The following SLC24A3 variants were observed in gnomAD, a reference collection of about 807,000 sequenced individuals.
SLC24A3 encodes the protein sodium/potassium/calcium exchanger 3.
In SLC24A3, 28 loss-of-function variants were observed where a neutral mutation model predicts 75.8. The observed-to-expected ratio is 0.37, with a 90% CI of 0.27 to 0.51. The LOEUF (loss-of-function observed/expected upper bound fraction) is 0.51, where lower values mean the gene tolerates loss of function less well. Ranked by LOEUF, SLC24A3 falls within the 20% of genes least tolerant of loss-of-function variation. The probability of loss-of-function intolerance (pLI) is 0.94; values close to 1 mark genes in which losing one functional copy is unlikely to be tolerated. For synonymous variants in SLC24A3, 372 were observed against 334.1 expected (o/e 1.11, Z -1.24); for missense variants, 663 against 847.8 (o/e 0.78, Z 2.71).
intron 2 of SLC24A3, among the ~76,000 whole-genome samples, chr20:19,409,122 T>C (rs901623198): frequency 4.6e-5 from 7 of 152,152 alleles, no homozygotes; most frequent in Non-Finnish European, 1.0e-4. Flanking sequence ...GAGGGAGACT[T>C]AGAGCTTCTT....
At position 19,226,340 on chromosome 20, in the gene SLC24A3, G is replaced by A. The variant is rs973143805; in HGVS notation, c.142+13356G>A. Among the ~76,000 whole-genome samples, 11 of 152,080 alleles carry A rather than the reference G, an allele frequency of 7.2e-5. No homozygotes were observed. The South Asian group carries it at 1.0e-3, about 14-fold the overall frequency. Reference sequence around the variant, plus strand: ...TGATCATATTCGGTTGAGGGCTTTTGTGTCTAGGATCACACAAGATACGGA... The same window carrying A: ...TGATCATATTCGGTTGAGGGCTTTTATGTCTAGGATCACACAAGATACGGA... On this transcript the variant is annotated intron_variant, in intron 1 of 16. Transcript: ENST00000328041.
intron 3 of SLC24A3, among the ~76,000 whole-genome samples, chr20:19,525,172 T>G (rs2030176331): frequency 6.6e-6 from 1 of 152,154 alleles, no homozygotes; most frequent in African/African-American, 2.4e-5. Context: ...GATAGGAGTT[T>G]CAAGCTTAAG....
At chr20:19,532,288 G>A (rs1278546264) in intron 3 of SLC24A3, among the ~76,000 whole-genome samples, 1 of 152,196 alleles carries the variant, frequency 6.6e-6, no homozygotes, top group Non-Finnish European at 1.5e-5. Flanking sequence ...AAGCAGGGCT[G>A]GATACTTGCG....
chr20:19,290,927 C>T (rs1306061906), intron 2 of SLC24A3, among the ~76,000 whole-genome samples: 3 of 152,196 alleles, frequency 2.0e-5, no homozygotes, highest in South Asian at 2.1e-4. Flanking sequence ...TTGGAGACCA[C>T]GGGTTTTGTT....
chr20:19,325,958 C>T (rs944592799), intron 2 of SLC24A3, among the ~76,000 whole-genome samples: 15 of 151,718 alleles, frequency 9.9e-5, no homozygotes, highest in South Asian at 6.3e-4. Context: ...ACTTTATACA[C>T]GAAACAACGT....
intron 1 of SLC24A3, among the ~76,000 whole-genome samples, chr20:19,236,914 A>T (rs975479535): frequency 6.6e-6 from 1 of 152,190 alleles, no homozygotes; most frequent in Non-Finnish European, 1.5e-5. Flanking sequence ...GCTCATGTTT[A>T]TAAACCTCAC....
At chr20:19,698,757 C>A in intron 15 of SLC24A3, 77 bp downstream of exon 15, 1 of 1,140,894 alleles carries the variant, frequency 8.8e-7, no homozygotes. Context: ...GCCACAGGGT[C>A]TTTGTCTCGG....
chr20:19,666,288 C>T (rs1349867338), intron 8 of SLC24A3, among the ~76,000 whole-genome samples: 1 of 151,354 alleles, frequency 6.6e-6, no homozygotes, highest in Non-Finnish European at 1.5e-5. Flanking sequence ...GGGTGGATCA[C>T]GAGGTCAGGA....
intron 3 of SLC24A3, among the ~76,000 whole-genome samples, chr20:19,562,634 T>G (rs748918772): frequency 1.3e-5 from 2 of 152,232 alleles, no homozygotes; most frequent in Non-Finnish European, 2.9e-5. Flanking sequence ...ATGGCTTCGT[T>G]AGCTGTACTA....
chr20:19,392,401 C>A (rs970701522), intron 2 of SLC24A3, among the ~76,000 whole-genome samples: 1 of 152,156 alleles, frequency 6.6e-6, no homozygotes, highest in African/African-American at 2.4e-5. Flanking sequence ...ATATAGGAAC[C>A]TTCTCAGTGT....
At chr20:19,505,200 T>C (rs1387451994) in intron 2 of SLC24A3, among the ~76,000 whole-genome samples, 1 of 152,130 alleles carries the variant, frequency 6.6e-6, no homozygotes, top group Admixed American at 6.5e-5. Flanking sequence ...AGCTCTTAAG[T>C]GGGAACCAAG....
intron 3 of SLC24A3, among the ~76,000 whole-genome samples, chr20:19,557,580 T>TGC (rs1374000984): frequency 5.9e-5 from 9 of 152,210 alleles, no homozygotes; most frequent in African/African-American, 2.2e-4. Flanking sequence ...ACCTCATGAT[T>TGC]GCCTGGTGTT....
At chr20:19,672,786 T>G (rs542967566) in intron 8 of SLC24A3, among the ~76,000 whole-genome samples, 59 of 152,340 alleles carry the variant, frequency 3.9e-4, no homozygotes, top group Non-Finnish European at 7.3e-4. Context: ...CTTTTCACAT[T>G]TGACCAAATA....
intron 2 of SLC24A3, among the ~76,000 whole-genome samples, chr20:19,290,712 C>T (rs965407569): frequency 1.3e-5 from 2 of 152,168 alleles, no homozygotes; most frequent in Non-Finnish European, 2.9e-5. Flanking sequence ...CTGAGACCCA[C>T]CTCTTGCATG....
intron 2 of SLC24A3, among the ~76,000 whole-genome samples, chr20:19,322,815 A>G (rs531352100): frequency 1.6e-4 from 25 of 152,280 alleles, no homozygotes; most frequent in South Asian, 4.1e-4. Context: ...GCTTGTAAGG[A>G]TGAACTCTTC....
chr20:19,286,848 A>T (rs1983830424), intron 2 of SLC24A3, among the ~76,000 whole-genome samples: 1 of 152,232 alleles, frequency 6.6e-6, no homozygotes, highest in Non-Finnish European at 1.5e-5. Context: ...AATTAGGTTA[A>T]TGTGGTTATT....
chr20:19,505,924 T>G (rs1988456626), intron 2 of SLC24A3, among the ~76,000 whole-genome samples: 1 of 152,150 alleles, frequency 6.6e-6, no homozygotes, highest in African/African-American at 2.4e-5. Flanking sequence ...CCTATCCATA[T>G]TTCTCCCTCT....
intron 3 of SLC24A3, among the ~76,000 whole-genome samples, chr20:19,561,634 G>A (rs2030876602): frequency 6.6e-6 from 1 of 152,138 alleles, no homozygotes; most frequent in Non-Finnish European, 1.5e-5. Flanking sequence ...TTTTGAACAA[G>A]TGGATTAAAA....
chr20:19,498,667 GATAA>G (rs1317396471), intron 2 of SLC24A3, among the ~76,000 whole-genome samples: 1 of 152,116 alleles, frequency 6.6e-6, no homozygotes, highest in East Asian at 1.9e-4. Context: ...GTTCAGGTGA[GATAA>G]ATAGTGGCAG....
Sources: allele counts gnomAD v4.1 joint callset (sites outside exome capture counted in the v4.1 genomes callset), GRCh38; gene constraint gnomAD v4.1.1; transcripts MANE v1.5; gene names NCBI Gene and HGNC (gene_info 2026-07-23, HGNC 2026-07-21).